Variants in GNB1L observed in about 807,000 individuals in gnomAD.
GNB1L encodes the protein guanine nucleotide-binding protein subunit beta-like protein 1.
Under a neutral mutation model 29.1 loss-of-function variants are expected in GNB1L, and 20 were observed. The ratio of observed to expected loss-of-function variants is 0.69; its 90% CI spans 0.48 to 1.00. The LOEUF is 1.00. GNB1L is among the 50% of genes least tolerant of loss of function. GNB1L has a pLI of 0.00. For synonymous variants in GNB1L, 193 were observed against 206.5 expected, an observed-to-expected ratio of 0.93 and a Z score of 0.56; for missense variants, 421 against 464.9, an observed-to-expected ratio of 0.91 and a Z score of 0.87.
In GNB1L at chr22:19,816,968, G is replaced by A. The variant is rs1423817133; in HGVS notation, c.254+3630C>T. Among the ~76,000 whole-genome samples, 3 of 152,178 alleles carry A rather than the reference G, an allele frequency of 2.0e-5. No homozygotes were observed. The highest frequency in any genetic ancestry group is 2.9e-5 in the Non-Finnish European group (2 of 68,048). ...CACTGAGGTGGGGGAAGGCGGGACCGCTGGGTACCCACATGGAAACCCAGG... is the reference window on the plus strand; with the variant it reads ...CACTGAGGTGGGGGAAGGCGGGACCACTGGGTACCCACATGGAAACCCAGG... On this transcript the variant is annotated intron_variant, in intron 4 of 7. Transcript: ENST00000329517. The surrounding 1 kb of genome is among the most constrained non-coding windows in gnomAD (Gnocchi z 4.4).
intron 2 of GNB1L, among the ~76,000 whole-genome samples, chr22:19,845,140 C>T (rs1937933241): frequency 6.6e-6 from 1 of 152,230 alleles, no homozygotes; most frequent in Non-Finnish European, 1.5e-5. Flanking sequence ...GGGAGGTCCC[C>T]TATCACACAC....
chr22:19,833,615 A>G (rs1304133843), intron 2 of GNB1L, among the ~76,000 whole-genome samples: 2 of 152,076 alleles, frequency 1.3e-5, no homozygotes, highest in Non-Finnish European at 2.9e-5. Context: ...TGTAATCCCA[A>G]CACTTTGGGA....
rs149417764 is a variant in GNB1L at position 19,813,061 on chromosome 22, G to A, written c.255-614C>T. ...GGGTCTCACCACAGGGAGATGTGACGAAGAGGCACAGGGGAGACATGGGCT... is the reference window on the plus strand; with the variant it reads ...GGGTCTCACCACAGGGAGATGTGACAAAGAGGCACAGGGGAGACATGGGCT... On this transcript the variant is annotated intron_variant, in intron 4 of 7. Transcript: ENST00000329517. 7.4e-3 allele frequency among the ~76,000 whole-genome samples: 1,133 copies of A among 152,312 alleles called. 9 individuals carry two copies. The highest frequency in any genetic ancestry group is 9.1e-3 in the Non-Finnish European group (618 of 68,036).
At chr22:19,805,276 C>T (rs983929622) in intron 6 of GNB1L, among the ~76,000 whole-genome samples, 1 of 152,194 alleles carries the variant, frequency 6.6e-6, no homozygotes, top group Non-Finnish European at 1.5e-5. Context: ...CAGTAAGGGG[C>T]GCCCACTTTC....
rs368294430 is a variant in GNB1L, at chr22:19,820,624, C to T, written c.228G>A (p.Thr76=). ...HGGQCVTWLQ[T]LPQGRQLLSQ... is the part of the protein sequence containing the mutation. ...TGAGGAGCTGGCGCCCCTGGGGCAGCGTCTGCAGCCAGGTCACACACTGGC... is the reference window on the plus strand; with the variant it reads ...TGAGGAGCTGGCGCCCCTGGGGCAGTGTCTGCAGCCAGGTCACACACTGGC... Residue 76 remains threonine (T), a synonymous_variant, in exon 4 of 8, where the codon ACG becomes ACA. Transcript: ENST00000329517. 23 of 1,612,500 alleles carry T rather than the reference C, an allele frequency of 1.4e-5. No individual in the cohort carries two copies. The highest frequency in any genetic ancestry group is 1.1e-4 in the South Asian group (10 of 90,988).
chr22:19,802,096 C>T lies in GNB1L; in HGVS notation c.637G>A (p.Asp213Asn), dbSNP rs1937379843. The T allele has an allele frequency of 6.2e-7, 1 of 1,613,602 alleles. No individual in the cohort carries two copies. The change falls in exon 7 of 8, where the codon GAC (aspartate) becomes AAC (asparagine). Residue 213 changes from aspartate (D) to asparagine (N), a missense_variant. Physicochemically the swap from Asp to Asn is conservative, Grantham distance 23 (BLOSUM62 1). Transcript: ENST00000329517. ...GCCTTCTGGGAGTCAAAGTCAAGGT[C>T]CATGACGGGCTCCTCATGGCAGGCG... ...RIACHEEPVM[D>N]LDFDSQKARG...
At chr22:19,832,920 G>A (rs1384406410) in intron 2 of GNB1L, among the ~76,000 whole-genome samples, 1 of 152,232 alleles carries the variant, frequency 6.6e-6, no homozygotes, top group African/African-American at 2.4e-5. Flanking sequence ...TGAGCCCTGG[G>A]TGGCTGATGT....
chr22:19,853,926 G>A (rs930064988), intron 2 of GNB1L, among the ~76,000 whole-genome samples: 14 of 152,144 alleles, frequency 9.2e-5, no homozygotes, highest in African/African-American at 3.4e-4. Context: ...CCCCATGCCC[G>A]GGAGCCACAG....
chr22:19,839,625 T>C (rs1233906875), intron 2 of GNB1L, among the ~76,000 whole-genome samples: 1 of 151,928 alleles, frequency 6.6e-6, no homozygotes, highest in East Asian at 1.9e-4. Context: ...ACACCTGTAA[T>C]CCCAGCACTT....
chr22:19,851,933 G>T (rs749595107), intron 2 of GNB1L: 32 of 1,614,130 alleles, frequency 2.0e-5, no homozygotes, highest in Middle Eastern at 3.3e-4. Context: ...TAGCCACGGG[G>T]AGCCATCAAA....
chr22:19,825,248 CT>C (rs538715584), intron 2 of GNB1L, among the ~76,000 whole-genome samples: 115 of 152,356 alleles, frequency 7.5e-4, no homozygotes, highest in African/African-American at 2.7e-3. Flanking sequence ...AGACTGAAGA[CT>C]AGGTCAGCAC....
chr22:19,851,442 G>T, intron 2 of GNB1L: 1 of 1,614,078 alleles, frequency 6.2e-7, no homozygotes, highest in Non-Finnish European at 8.5e-7. Context: ...GTAGAACTGG[G>T]CAGGACTGGG....
At chr22:19,810,365 G>C (rs1478413572) in intron 5 of GNB1L, among the ~76,000 whole-genome samples, 1 of 152,230 alleles carries the variant, frequency 6.6e-6, no homozygotes, top group African/African-American at 2.4e-5. Context: ...AGGCCAGTGA[G>C]GGCAGGGGCA....
At chr22:19,812,557 T>G (rs1231700947) in intron 4 of GNB1L, 110 bp from the exon 5 acceptor site, 7 of 1,047,178 alleles carry the variant, frequency 6.7e-6, no homozygotes, top group Non-Finnish European at 9.6e-6. Flanking sequence ...GTGGGTGCCG[T>G]GAGCTTGGAT....
In GNB1L at chr22:19,821,338, C is replaced by T. The variant is rs372981804; in HGVS notation, c.18G>A (p.Pro6=). The T allele has an allele frequency of 3.2e-5, 52 of 1,612,428 alleles. No individual in the cohort carries two copies. Among genetic ancestry groups the T allele is most frequent in the Middle Eastern group, 1.6e-4 (1 of 6,068 alleles). The change falls in exon 3 of 8, where the codon CCG becomes CCA. Residue 6 remains proline, a synonymous_variant. Coordinates refer to ENST00000329517, the MANE Select transcript of GNB1L (RefSeq NM_053004.3). MTAPC[P]PPPPDPQFVL... ...CAAACTGGGGGTCTGGAGGTGGCGGCGGGCAGGGGGCCGTCATGCTGGGCA... is the reference window on the plus strand; with the variant it reads ...CAAACTGGGGGTCTGGAGGTGGCGGTGGGCAGGGGGCCGTCATGCTGGGCA...
At chr22:19,821,152 G>C (rs2145882072) in intron 3 of GNB1L, 76 bp downstream of exon 3, 1 of 1,451,640 alleles carries the variant, frequency 6.9e-7, no homozygotes, top group Non-Finnish European at 9.4e-7. Context: ...CCTCAAACAA[G>C]CGCTGGGCTC....
At chr22:19,820,046 G>A (rs988979430) in intron 4 of GNB1L, among the ~76,000 whole-genome samples, 1 of 152,094 alleles carries the variant, frequency 6.6e-6, no homozygotes, top group African/African-American at 2.4e-5. Flanking sequence ...GGACACACAC[G>A]GCCAGGGCTC....
chr22:19,807,330 C>T (rs992634041), intron 5 of GNB1L, among the ~76,000 whole-genome samples: 8 of 151,234 alleles, frequency 5.3e-5, no homozygotes, highest in African/African-American at 1.9e-4. Flanking sequence ...GGTGTAGGCT[C>T]GCTGGTCACA....
intron 2 of GNB1L, chr22:19,847,804 CAAA>C (rs34331843): frequency 8.8e-3 from 5,307 of 601,766 alleles, no homozygotes; most frequent in Non-Finnish European, 9.4e-3. Flanking sequence ...GAATCATAGG[CAAA>C]AAAAAAAAAA....
Sources: gnomAD v4.1 joint callset for allele counts (sites outside exome capture counted in the v4.1 genomes callset) on GRCh38, gnomAD v4.1.1 for gene constraint, Gnocchi (gnomAD v3.1) non-coding constraint, MANE v1.5 for transcripts, NCBI Gene and HGNC (gene_info 2026-07-23, HGNC 2026-07-21) for gene names.